The following SGK3 variants were observed in gnomAD, a reference collection of about 807,000 sequenced individuals.
The protein encoded by SGK3 is serum/glucocorticoid regulated kinase family member 3, also known as serine/threonine-protein kinase Sgk3.
Under a neutral mutation model 68.5 loss-of-function variants are expected in SGK3, and 47 were observed. That is an observed-to-expected ratio of 0.69 (90% CI 0.54 to 0.87). The LOEUF is 0.87. Ranked by LOEUF, SGK3 falls within the 40% of genes least tolerant of loss-of-function variation. SGK3 has a pLI of 0.00. For missense variants in SGK3, 479 were observed against 575.5 expected (o/e 0.83, Z 1.72); for synonymous variants, 181 against 189.1 (o/e 0.96, Z 0.35).
chr8:66,841,977 C>A (rs1464920567), intron 13 of SGK3, among the ~76,000 whole-genome samples: 1 of 152,208 alleles, frequency 6.6e-6, no homozygotes, highest in Non-Finnish European at 1.5e-5. Flanking sequence ...GGAGTACTTG[C>A]AAATACAATG....
At position 66,843,538 on chromosome 8, in the gene SGK3, G is replaced by A. The variant is rs1319852318; in HGVS notation, c.1065G>A (p.Leu355=). The A allele has an allele frequency of 8.1e-6, 13 of 1,613,434 alleles. No homozygotes were observed. Among genetic ancestry groups the A allele is most frequent in the Non-Finnish European group, 1.1e-5 (13 of 1,179,682 alleles). Residue 355 remains leucine, a synonymous_variant, in exon 14 of 17, where the codon CTG becomes CTA. Transcript: ENST00000521198. The part of the protein sequence containing the change: ...WCLGAVLYEM[L]YGLPPFYCRD... ...TTGGGGCTGTTCTGTATGAAATGCT[G>A]TATGGATTGGTATGTATTTCTATAC...
intron 1 of SGK3, among the ~76,000 whole-genome samples, chr8:66,734,162 C>T (rs1215657500): frequency 1.3e-5 from 2 of 148,756 alleles, no homozygotes; most frequent in Non-Finnish European, 3.0e-5. Context: ...CTTTCTGGAT[C>T]TGTGTGATTT....
At chr8:66,790,996 A>T (rs1309087472) in intron 1 of SGK3, among the ~76,000 whole-genome samples, 1 of 152,166 alleles carries the variant, frequency 6.6e-6, no homozygotes, top group African/African-American at 2.4e-5. Context: ...AAAGTAGTTG[A>T]AGGGAGTTTA....
At chr8:66,744,545 T>C (rs1168246287) in intron 1 of SGK3, among the ~76,000 whole-genome samples, 1 of 122,024 alleles carries the variant, frequency 8.2e-6, no homozygotes, top group Non-Finnish European at 1.7e-5. Flanking sequence ...TTTTTTTTTT[T>C]AGATGGAGTC....
At chr8:66,756,569 C>CT (rs34499404) in intron 1 of SGK3, among the ~76,000 whole-genome samples, 8,507 of 77,904 alleles carry the variant, frequency 0.11, 2,536 homozygotes, top group Non-Finnish European at 0.15. Context: ...CATGCATCTA[C>CT]TTTTTTTTTT....
intron 4 of SGK3, 108 bp from the exon 5 acceptor site, chr8:66,813,745 A>G: frequency 1.2e-6 from 1 of 847,822 alleles, no homozygotes; most frequent in Non-Finnish European, 1.6e-6. Context: ...ATTTAAAAAT[A>G]GCTTCTTAAT....
rs570246974 is a variant in SGK3 at position 66,800,391 on chromosome 8, T to A, written c.180+1766T>A. On this transcript the variant is annotated intron_variant, in intron 3 of 16. Coordinates refer to ENST00000521198, the MANE Select transcript of SGK3 (RefSeq NM_001033578.3). ...AGTTTTTTCATTTCTTTTTTTTTTT[T>A]TTTTTTTATTATACTTTAAGTTTTA... 2.9e-3 allele frequency among the ~76,000 whole-genome samples: 424 copies of A among 147,304 alleles called. 6 individuals are homozygous for A. The highest frequency in any genetic ancestry group is 0.01 in the African/African-American group (412 of 40,774).
chr8:66,831,675 C>T (rs573286997), intron 8 of SGK3, among the ~76,000 whole-genome samples: 10 of 152,118 alleles, frequency 6.6e-5, no homozygotes, highest in Non-Finnish European at 1.2e-4. Context: ...TAAATAAGTA[C>T]TTAAGGAATT....
At chr8:66,828,259 C>G (rs1252778866) in intron 6 of SGK3, among the ~76,000 whole-genome samples, 1 of 152,170 alleles carries the variant, frequency 6.6e-6, no homozygotes, top group African/African-American at 2.4e-5. Context: ...TCATTTCTGT[C>G]TTTGATAAAC....
chr8:66,800,771 T>A, intron 3 of SGK3, among the ~76,000 whole-genome samples: 1 of 152,346 alleles, frequency 6.6e-6, no homozygotes, highest in Non-Finnish European at 1.5e-5. Flanking sequence ...TAAAAATATT[T>A]ATTTTTGCCT....
rs187643929 is a variant in SGK3 at position 66,752,224 on chromosome 8, A to G, written c.-122+39391A>G. On this transcript the variant is annotated intron_variant, in intron 1 of 16. Coordinates refer to ENST00000521198, the MANE Select transcript of SGK3 (RefSeq NM_001033578.3). Reference sequence around the variant, plus strand: ...GAGTGCGTAGTAGAGGGGGAAGACAAGACAGCAGGTGTGGACTCTGTTCAT... The same window carrying G: ...GAGTGCGTAGTAGAGGGGGAAGACAGGACAGCAGGTGTGGACTCTGTTCAT... Among the ~76,000 whole-genome samples the G allele has an allele frequency of 1.5e-3, 232 of 152,270 alleles. 2 individuals are homozygous for G. The highest frequency in any genetic ancestry group is 3.5e-3 in the South Asian group (17 of 4,826).
intron 1 of SGK3, among the ~76,000 whole-genome samples, chr8:66,756,302 G>A (rs1805970400): frequency 6.6e-6 from 1 of 152,018 alleles, no homozygotes; most frequent in Non-Finnish European, 1.5e-5. Context: ...CCAGTCTGAG[G>A]TACTTGTTTA....
chr8:66,801,675 C>A (rs182976994), intron 3 of SGK3, among the ~76,000 whole-genome samples: 1 of 152,222 alleles, frequency 6.6e-6, no homozygotes, highest in Non-Finnish European at 1.5e-5. Context: ...CTCTCTCACA[C>A]ACACACACAC....
At chr8:66,837,659 CCG>C (rs1021700745) in intron 10 of SGK3, among the ~76,000 whole-genome samples, 12 of 152,154 alleles carry the variant, frequency 7.9e-5, no homozygotes, top group African/African-American at 2.7e-4. Flanking sequence ...TGACATGCCT[CCG>C]TAGTCCCAGC....
chr8:66,799,826 G>T (rs1563634072), intron 3 of SGK3, among the ~76,000 whole-genome samples: 1 of 152,160 alleles, frequency 6.6e-6, no homozygotes, highest in Admixed American at 6.5e-5. Context: ...GTTTTGCCAT[G>T]TTGGCGAGGC....
chr8:66,765,610 G>A (rs982332388), intron 1 of SGK3, among the ~76,000 whole-genome samples: 7 of 151,998 alleles, frequency 4.6e-5, no homozygotes, highest in African/African-American at 7.3e-5. Flanking sequence ...CTAGTTTAGT[G>A]CACTCCACAA....
intron 1 of SGK3, among the ~76,000 whole-genome samples, chr8:66,778,812 A>G (rs6982259): frequency 0.085 from 12,998 of 152,270 alleles, 577 homozygotes; most frequent in African/African-American, 0.095. Flanking sequence ...TCCAATACGC[A>G]TGTAGATGGA....
chr8:66,784,033 G>A (rs546475313), intron 1 of SGK3, among the ~76,000 whole-genome samples: 1 of 152,160 alleles, frequency 6.6e-6, no homozygotes, highest in East Asian at 1.9e-4. Flanking sequence ...AAGTAGCCAG[G>A]ACTACAGGTA....
intron 1 of SGK3, among the ~76,000 whole-genome samples, chr8:66,756,905 T>C (rs941249073): frequency 2.0e-5 from 3 of 151,752 alleles, no homozygotes; most frequent in Admixed American, 2.0e-4. Flanking sequence ...TCAACTATTT[T>C]TAAAAAGATA....
Sources: gnomAD v4.1 joint callset for allele counts (sites outside exome capture counted in the v4.1 genomes callset) on GRCh38, gnomAD v4.1.1 for gene constraint, MANE v1.5 for transcripts, NCBI Gene and HGNC (gene_info 2026-07-23, HGNC 2026-07-21) for gene names.